The following ZNF438 variants were observed in gnomAD, a reference collection of about 807,000 sequenced individuals.
ZNF438 encodes zinc finger protein 438.
ZNF438 carries 25 observed loss-of-function variants against 38.0 expected under a neutral mutation model. The observed-to-expected ratio is 0.66, with a 90% confidence interval of 0.48 to 0.92. ZNF438 has a LOEUF of 0.92. ZNF438 is among the 40% of genes least tolerant of loss of function. ZNF438 has a pLI of 0.00. For synonymous variants in ZNF438, 372 were observed against 364.1 expected (o/e 1.02, Z -0.25); for missense variants, 1,007 against 999.6 (o/e 1.01, Z -0.10).
chr10:30,969,831 T>TG (rs2050548742), intron 1 of ZNF438, among the ~76,000 whole-genome samples: 1 of 152,158 alleles, frequency 6.6e-6, no homozygotes, highest in South Asian at 2.1e-4. Context: ...TTTTTATTGT[T>TG]TTTTTTTCAG....
rs752272149 is a variant in ZNF438, at chr10:30,863,791, C to T, written c.37+13207G>A. ...ACGCACTCCCCTCATATTGTAGGTT[C>T]GCCCCCTTGCTGTCTTCCTACAGAA... is the stretch of plus-strand genomic sequence containing the variant. On this transcript the variant is annotated intron_variant, in intron 4 of 5. Transcript: ENST00000413025. Among the ~76,000 whole-genome samples, 6 of 152,194 alleles carry T rather than the reference C, an allele frequency of 3.9e-5. No individual in the cohort carries two copies. The East Asian group carries it at 5.8e-4, about 15-fold the overall frequency.
intron 2 of ZNF438, among the ~76,000 whole-genome samples, chr10:30,936,294 C>G (rs1020077146): frequency 2.0e-5 from 3 of 152,248 alleles, no homozygotes; most frequent in East Asian, 3.8e-4. Flanking sequence ...TCTTCCCTCT[C>G]TACTACAGAA....
At chr10:30,848,129 A>G (rs546836057) in intron 5 of ZNF438, among the ~76,000 whole-genome samples, 51 of 152,324 alleles carry the variant, frequency 3.3e-4, no homozygotes, top group Non-Finnish European at 6.6e-4. Flanking sequence ...AACAGGGCAA[A>G]TGAAGAGGGT....
intron 1 of ZNF438, among the ~76,000 whole-genome samples, chr10:30,948,297 G>C (rs1342166664): frequency 3.3e-5 from 5 of 151,982 alleles, no homozygotes; most frequent in Non-Finnish European, 7.4e-5. Flanking sequence ...ACAAAGATGG[G>C]GAAAAAACAG....
intron 4 of ZNF438, among the ~76,000 whole-genome samples, chr10:30,871,055 A>G (rs1476914456): frequency 6.6e-6 from 1 of 152,196 alleles, no homozygotes; most frequent in Non-Finnish European, 1.5e-5. Context: ...AGCTTAAGAA[A>G]ATAGCTTTCA....
At chr10:31,029,718 T>C (rs536896493) in intron 1 of ZNF438, among the ~76,000 whole-genome samples, 26 of 152,356 alleles carry the variant, frequency 1.7e-4, no homozygotes, top group Non-Finnish European at 2.9e-4. Context: ...AACCTTCCAA[T>C]GGTTTTCCAT....
chr10:30,913,999 C>T (rs2043330510), intron 2 of ZNF438, among the ~76,000 whole-genome samples: 1 of 152,060 alleles, frequency 6.6e-6, no homozygotes, highest in Non-Finnish European at 1.5e-5. Context: ...TCAACAATGT[C>T]CTAAACACGT....
intron 1 of ZNF438, among the ~76,000 whole-genome samples, chr10:31,020,094 T>G (rs552747243): frequency 6.6e-6 from 1 of 152,246 alleles, no homozygotes; most frequent in African/African-American, 2.4e-5. Context: ...ATTCACTGCA[T>G]GTACACAGAG....
chr10:30,912,219 A>G (rs1405700049), intron 2 of ZNF438, among the ~76,000 whole-genome samples: 1 of 151,960 alleles, frequency 6.6e-6, no homozygotes, highest in Non-Finnish European at 1.5e-5. Context: ...TTCACTCCTC[A>G]TATGTGCTTG....
At chr10:30,860,797 T>C (rs1368937197) in intron 4 of ZNF438, among the ~76,000 whole-genome samples, 1 of 152,182 alleles carries the variant, frequency 6.6e-6, no homozygotes. Flanking sequence ...TGTTTATACC[T>C]AGTAAGTAGT....
chr10:30,873,726 T>G lies in ZNF438; in HGVS notation c.37+3272A>C, dbSNP rs1452257162. On this transcript the variant is annotated intron_variant, in intron 4 of 5. Transcript: ENST00000413025. ...AAGCTCAGGCTCTGTATGATTTACC[T>G]TTGGATTCTTCATAGCATCTGATAG... is the stretch of plus-strand genomic sequence containing the variant. 1.3e-5 allele frequency among the ~76,000 whole-genome samples: 2 copies of G among 152,200 alleles called. 1 individual carries two copies. Among genetic ancestry groups the G allele is most frequent in the Non-Finnish European group, 2.9e-5 (2 of 68,042 alleles).
At chr10:30,956,268 G>A (rs576497660) in intron 1 of ZNF438, among the ~76,000 whole-genome samples, 1 of 152,290 alleles carries the variant, frequency 6.6e-6, no homozygotes, top group Admixed American at 6.5e-5. Flanking sequence ...AAATATAAAA[G>A]AGAGACTGTT....
chr10:30,928,979 T>A (rs1049562513), intron 2 of ZNF438, among the ~76,000 whole-genome samples: 1 of 152,178 alleles, frequency 6.6e-6, no homozygotes, highest in African/African-American at 2.4e-5. Context: ...AGTTACTGTA[T>A]CATATGCTTT....
chr10:30,981,644 G>A (rs773080441), intron 1 of ZNF438, among the ~76,000 whole-genome samples: 1 of 152,178 alleles, frequency 6.6e-6, no homozygotes, highest in Non-Finnish European at 1.5e-5. Flanking sequence ...TTGGGAGGCC[G>A]AGGCAGGGGG....
chr10:30,926,092 G>C (rs749219342), intron 2 of ZNF438, among the ~76,000 whole-genome samples: 1 of 152,102 alleles, frequency 6.6e-6, no homozygotes, highest in Non-Finnish European at 1.5e-5. Flanking sequence ...ACTAATCTTT[G>C]GTGATTGAAG....
intron 4 of ZNF438, among the ~76,000 whole-genome samples, chr10:30,876,479 T>C (rs867174096): frequency 2.6e-5 from 4 of 152,230 alleles, no homozygotes; most frequent in Admixed American, 6.5e-5. Flanking sequence ...TAAAAAATCA[T>C]TATTTTATTT....
At chr10:30,877,115 T>A (rs867482878) in intron 3 of ZNF438, 50 bp from the exon 5 acceptor site, 5 of 1,034,338 alleles carry the variant, frequency 4.8e-6, no homozygotes, top group Non-Finnish European at 5.6e-6. Flanking sequence ...TGAGAGAGCA[T>A]GTTAATGCAT....
At chr10:30,880,961 T>C (rs1400045077) in intron 3 of ZNF438, among the ~76,000 whole-genome samples, 1 of 152,116 alleles carries the variant, frequency 6.6e-6, no homozygotes, top group Non-Finnish European at 1.5e-5. Context: ...CAACCCTTTA[T>C]AAATTAAGAA....
At chr10:31,031,254 T>C (rs564055487) in intron 1 of ZNF438, among the ~76,000 whole-genome samples, 6 of 152,354 alleles carry the variant, frequency 3.9e-5, no homozygotes, top group Non-Finnish European at 8.8e-5. Flanking sequence ...ATTTACACAC[T>C]TGTGTTATCT....
Sources: allele counts gnomAD v4.1 joint callset (sites outside exome capture counted in the v4.1 genomes callset), GRCh38; gene constraint gnomAD v4.1.1; transcripts MANE v1.5; gene names NCBI Gene and HGNC (gene_info 2026-07-23, HGNC 2026-07-21).